Variants in SHISA5 observed in about 807,000 individuals in gnomAD.
SHISA5 encodes the protein shisa family member 5.
In SHISA5, 21 loss-of-function variants were observed where a neutral mutation model predicts 27.5. The observed-to-expected ratio is 0.76, with a 90% CI of 0.54 to 1.10. The LOEUF is 1.10. Ranked by LOEUF, SHISA5 falls within the 50% of genes least tolerant of loss-of-function variation. The pLI is 0.00. For synonymous variants in SHISA5, 137 were observed against 142.2 expected (o/e 0.96, Z 0.26); for missense variants, 314 against 336.3 (o/e 0.93, Z 0.52).
chr3:48,486,380 AAT>A (rs1491060835), intron 2 of SHISA5, among the ~76,000 whole-genome samples: 35 of 84,912 alleles, frequency 4.1e-4, no homozygotes, highest in Admixed American at 6.9e-4. Flanking sequence ...TATAATATAT[AAT>A]ATGTTATATA....
intron 2 of SHISA5, among the ~76,000 whole-genome samples, chr3:48,480,285 CAA>C (rs57073358): frequency 4.8e-5 from 5 of 103,530 alleles, no homozygotes; most frequent in African/African-American, 6.4e-5. Flanking sequence ...TAAGAAGGTA[CAA>C]AAAAAAAAAA....
In SHISA5 at chr3:48,501,330, C is replaced by T. The variant is rs564833382; in HGVS notation, c.77-37G>A. On this transcript the variant is annotated intron_variant, in intron 1 of 5. Transcript: ENST00000296444. ...AAACACATCTGTTCACCTGTGCCCA[C>T]GGGCCAGGCCCCAGCAGACACAGCG... 1.1e-5 allele frequency: 18 copies of T among 1,601,052 alleles called. No individual in the cohort carries two copies. In the East Asian group the frequency reaches 2.9e-4, roughly 26 times the overall value.
intron 3 of SHISA5, among the ~76,000 whole-genome samples, chr3:48,475,767 A>AGG (rs2040804770): frequency 6.6e-6 from 1 of 152,204 alleles, no homozygotes; most frequent in Admixed American, 6.5e-5. Flanking sequence ...CTGTGAGTGC[A>AGG]AGGAGCTGGG....
At chr3:48,472,919 T>G in intron 3 of SHISA5, 2 of 1,281,874 alleles carry the variant, frequency 1.6e-6, no homozygotes, top group Non-Finnish European at 2.2e-6. Context: ...ACGCCATCAA[T>G]GACATGCGAC....
chr3:48,468,393 C>G lies in SHISA5; in HGVS notation c.*714G>C, dbSNP rs763887675. On this transcript the variant is annotated 3_prime_UTR_variant, in exon 6 of 6. Transcript: ENST00000296444. ...GCAGCTAGGCTGTGTGTGCATGTGG[C>G]CCTCCAGCTGGTCCCAGGGGAGATG... 8.2e-5 allele frequency: 90 copies of G among 1,095,348 alleles called. No individual in the cohort carries two copies. Among genetic ancestry groups the G allele is most frequent in the Non-Finnish European group, 9.7e-5 (87 of 893,966 alleles). The allele number at this position is 1,095,348 out of a possible 1,614,324, so 67.9% of individuals were successfully genotyped here.
chr3:48,498,256 T>C (rs1390508514), intron 2 of SHISA5, among the ~76,000 whole-genome samples: 1 of 152,174 alleles, frequency 6.6e-6, no homozygotes, highest in African/African-American at 2.4e-5. Context: ...ACATCCTTCC[T>C]ACTAGTGAAA....
rs1413805133 is a variant in SHISA5, at chr3:48,473,143, C to T, written c.315-3300G>A. 4.1e-6 allele frequency: 6 copies of T among 1,459,792 alleles called. No individual in the cohort carries two copies. In the African/African-American group the frequency reaches 8.5e-5, roughly 21 times the overall value. The allele number at this position is 1,459,792 out of a possible 1,614,324, so 90.4% of individuals were successfully genotyped here. On this transcript the variant is annotated intron_variant, in intron 3 of 5. Coordinates refer to ENST00000296444, the MANE Select transcript of SHISA5 (RefSeq NM_016479.6). The surrounding 1 kb of genome is among the most constrained non-coding windows in gnomAD (Gnocchi z 4.3). ...AAAGCAAATCTCCTCCAGATGACGT[C>T]AGCCACAGGAAGCACAGACGCGAAG...
Position 48,501,192 on chromosome 3 carries a change from C to T in SHISA5, c.178G>A (p.Asp60Asn). Residue 60 changes from aspartate to asparagine, a missense_variant, in exon 2 of 6, where the codon GAC becomes AAC. Physicochemically the swap from Asp to Asn is conservative, Grantham distance 23 (BLOSUM62 1). Coordinates refer to ENST00000296444, the MANE Select transcript of SHISA5 (RefSeq NM_016479.6). ...CTCCACACAAATTTCTTCAGCACGT[C>T]AGAGCAGCAGTATTGGTCATCACAG... ...GTCDDQYCCSDVLKKFVWSEE... is the reference protein window; with the variant it reads ...GTCDDQYCCSNVLKKFVWSEE... 6.2e-7 allele frequency: 1 copy of T among 1,614,126 alleles called. No homozygotes were observed. The highest frequency in any genetic ancestry group is 8.5e-7 in the Non-Finnish European group (1 of 1,179,982).
chr3:48,484,146 G>A (rs2041122392), intron 2 of SHISA5, among the ~76,000 whole-genome samples: 1 of 152,200 alleles, frequency 6.6e-6, no homozygotes, highest in Non-Finnish European at 1.5e-5. Context: ...AGTGGGTGAT[G>A]GATGCATTGA....
At position 48,473,495 on chromosome 3, in the gene SHISA5, C is replaced by G; in HGVS notation, c.315-3652G>C. On this transcript the variant is annotated intron_variant, in intron 3 of 5. Transcript: ENST00000296444. This position sits in a 1 kb window ranked among gnomAD's most constrained non-coding sequence, Gnocchi z 4.3. ...CATCCATCTAGGCCCAGAGGGCGAC[C>G]CTGGGGCCCTGGCTGACACACATGC... 2 of 1,290,764 alleles carry G rather than the reference C, an allele frequency of 1.5e-6. No homozygotes were observed. Among genetic ancestry groups the G allele is most frequent in the Non-Finnish European group, 2.0e-6 (2 of 989,802 alleles). The allele number at this position is 1,290,764 out of a possible 1,614,324, so 80.0% of individuals were successfully genotyped here. A position where few individuals can be genotyped will look rare whatever the true frequency, so the allele number is the denominator to read the frequency against.
At chr3:48,483,232 G>A (rs917072751) in intron 2 of SHISA5, among the ~76,000 whole-genome samples, 1 of 152,084 alleles carries the variant, frequency 6.6e-6, no homozygotes, top group African/African-American at 2.4e-5. Context: ...AGAGGACCCT[G>A]CGGCCTTCAG....
At chr3:48,475,654 G>C (rs1004612693) in intron 3 of SHISA5, among the ~76,000 whole-genome samples, 2 of 152,192 alleles carry the variant, frequency 1.3e-5, no homozygotes, top group African/African-American at 4.8e-5. Context: ...CTGCACTGTG[G>C]CAGTGGAGTC....
intron 1 of SHISA5, among the ~76,000 whole-genome samples, chr3:48,502,750 C>T (rs1396343828): frequency 6.6e-6 from 1 of 152,234 alleles, no homozygotes; most frequent in African/African-American, 2.4e-5. Flanking sequence ...CACAAGTCCG[C>T]AGTAGGCAGG....
chr3:48,488,834 A>G (rs1377115249), intron 2 of SHISA5, among the ~76,000 whole-genome samples: 5 of 136,802 alleles, frequency 3.7e-5, no homozygotes, highest in Non-Finnish European at 6.2e-5. Flanking sequence ...ACTCCGTCTC[A>G]AAAAAAAAAA....
chr3:48,497,348 C>T (rs1246089220), intron 2 of SHISA5, among the ~76,000 whole-genome samples: 1 of 147,738 alleles, frequency 6.8e-6, no homozygotes, highest in African/African-American at 2.5e-5. Context: ...ACTGCAACCT[C>T]CGCCTCCTGG....
chr3:48,485,806 T>C (rs1285201243), intron 2 of SHISA5, among the ~76,000 whole-genome samples: 1 of 151,274 alleles, frequency 6.6e-6, no homozygotes, highest in African/African-American at 2.4e-5. Context: ...AGGTCCTTTT[T>C]CTCCTTGGAG....
At chr3:48,480,139 G>A (rs370464436) in intron 2 of SHISA5, among the ~76,000 whole-genome samples, 1 of 151,512 alleles carries the variant, frequency 6.6e-6, no homozygotes, top group East Asian at 1.9e-4. Flanking sequence ...TCCTGACCTC[G>A]TGATCCACCT....
At chr3:48,494,348 A>G (rs2041497276) in intron 2 of SHISA5, among the ~76,000 whole-genome samples, 1 of 140,072 alleles carries the variant, frequency 7.1e-6, no homozygotes, top group East Asian at 2.0e-4. Context: ...GCCAGGCTAG[A>G]GTGCAGTGGC....
intron 2 of SHISA5, among the ~76,000 whole-genome samples, chr3:48,492,331 G>T (rs2041460447): frequency 6.6e-6 from 1 of 151,418 alleles, no homozygotes; most frequent in Non-Finnish European, 1.5e-5. Flanking sequence ...TTAGCCGGGC[G>T]CGGTGGCGGG....
Sources: gnomAD v4.1 joint callset for allele counts (sites outside exome capture counted in the v4.1 genomes callset) on GRCh38, gnomAD v4.1.1 for gene constraint, Gnocchi (gnomAD v3.1) non-coding constraint, MANE v1.5 for transcripts, NCBI Gene and HGNC (gene_info 2026-07-23, HGNC 2026-07-21) for gene names.